The following PANK3 variants were observed in gnomAD, a reference collection of about 807,000 sequenced individuals.
PANK3 encodes the protein hPanK3.
In PANK3, 20 loss-of-function variants were observed where a neutral mutation model predicts 39.4. The ratio of observed to expected loss-of-function variants is 0.51; its 90% CI spans 0.36 to 0.74. PANK3 has a LOEUF of 0.74. PANK3 is among the 30% of genes least tolerant of loss of function. The probability of loss-of-function intolerance (pLI) is 0.00; values close to 1 mark genes in which losing one functional copy is unlikely to be tolerated. For synonymous variants in PANK3, 140 were observed against 157.3 expected, an observed-to-expected ratio of 0.89 and a Z score of 0.82; for missense variants, 265 against 437.0, an observed-to-expected ratio of 0.61 and a Z score of 3.51.
Position 168,553,096 on chromosome 5 carries a change from C to T in PANK3, c.*4475G>A, listed in dbSNP as rs540622703. On this transcript the variant is annotated 3_prime_UTR_variant, in exon 7 of 7. Transcript: ENST00000239231. The stretch of plus-strand genomic sequence containing the variant: ...CTTTCTGTTAATGAGCAAAAACTTA[C>T]GACTTCCAGGGCAAAATGGAAGGGC... 160 of 425,482 alleles carry T rather than the reference C, an allele frequency of 3.8e-4. No individual in the cohort carries two copies. The highest frequency in any genetic ancestry group is 2.2e-3 in the African/African-American group (101 of 46,500). 26.4% of individuals were successfully genotyped at this position (425,482 alleles called of 1,614,324 possible).
chr5:168,562,818 T>C (rs1249903846), intron 4 of PANK3, among the ~76,000 whole-genome samples: 1 of 152,084 alleles, frequency 6.6e-6, no homozygotes, highest in African/African-American at 2.4e-5. Flanking sequence ...ATAGAGAAAA[T>C]GTTTGCCAAG....
intron 2 of PANK3, among the ~76,000 whole-genome samples, 197 bp downstream of exon 2, chr5:168,568,449 T>C (rs778805962): frequency 6.6e-6 from 1 of 152,222 alleles, no homozygotes; most frequent in Non-Finnish European, 1.5e-5. Flanking sequence ...CCAAATATTA[T>C]GTGCAACAAC....
intron 1 of PANK3, among the ~76,000 whole-genome samples, chr5:168,571,059 T>C (rs1488643426): frequency 6.6e-6 from 1 of 152,212 alleles, no homozygotes; most frequent in Non-Finnish European, 1.5e-5. Flanking sequence ...TTATATACTG[T>C]ATATATTCGG....
chr5:168,559,245 T>TA, intron 5 of PANK3, 88 bp from the exon 6 acceptor site: 2 of 945,820 alleles, frequency 2.1e-6, no homozygotes, highest in African/African-American at 1.7e-5. Context: ...AAATTTATTT[T>TA]AAAATGCAAA....
Position 168,564,044 on chromosome 5 carries a change from C to T in PANK3, c.657G>A (p.Leu219=). The T allele has an allele frequency of 6.2e-7, 1 of 1,609,980 alleles. No homozygotes were observed. The highest frequency in any genetic ancestry group is 2.2e-5 in the East Asian group (1 of 44,726). ...TGTSLGGGTF[L]GLCSLLTGCE... ...AGCCAGTCAATAAACTGCATAAACC[C>T]AGAAAGGTACCCCCTCCAAGGCTAA... Residue 219 remains leucine (L), a synonymous_variant, in exon 4 of 7, where the codon CTG becomes CTA. Transcript: ENST00000239231.
chr5:168,559,697 T>TA (rs201214118), intron 5 of PANK3, among the ~76,000 whole-genome samples: 96 of 148,570 alleles, frequency 6.5e-4, no homozygotes, highest in East Asian at 2.1e-3. Context: ...CTGATGTGAT[T>TA]AAAAAAAAAA....
chr5:168,564,536 C>G (rs114928857), intron 3 of PANK3, among the ~76,000 whole-genome samples: 3 of 152,092 alleles, frequency 2.0e-5, no homozygotes, highest in Non-Finnish European at 4.4e-5. Flanking sequence ...TGGGCTCAAG[C>G]AATCTTCCTG....
At chr5:168,576,904 G>C (rs1759739988) in intron 1 of PANK3, among the ~76,000 whole-genome samples, 1 of 151,810 alleles carries the variant, frequency 6.6e-6, no homozygotes, top group Non-Finnish European at 1.5e-5. Context: ...ATTTGAGACG[G>C]AGTGTTGCTC....
intron 1 of PANK3, among the ~76,000 whole-genome samples, chr5:168,573,976 A>G (rs1208640180): frequency 3.9e-5 from 6 of 152,026 alleles, no homozygotes; most frequent in Non-Finnish European, 7.3e-5. Flanking sequence ...TGCAATAAAC[A>G]TACGTGTGCA....
chr5:168,564,496 T>C (rs965186201), intron 3 of PANK3, among the ~76,000 whole-genome samples: 4 of 152,170 alleles, frequency 2.6e-5, no homozygotes, highest in African/African-American at 7.2e-5. Flanking sequence ...GCAGTGACCA[T>C]GATCATAGCC....
intron 1 of PANK3, among the ~76,000 whole-genome samples, chr5:168,571,038 G>A (rs1386787739): frequency 6.6e-6 from 1 of 152,174 alleles, no homozygotes; most frequent in African/African-American, 2.4e-5. Context: ...GATACGGGAT[G>A]CTATTAAAAA....
intron 6 of PANK3, among the ~76,000 whole-genome samples, chr5:168,558,269 T>A (rs1257850001): frequency 2.0e-5 from 3 of 150,114 alleles, no homozygotes; most frequent in Admixed American, 2.0e-4. Flanking sequence ...CACACCATTC[T>A]CCTGCCTCAG....
rs970569999 is a variant in PANK3, at chr5:168,555,204, T to C, written c.*2367A>G. ...GAAATAAAATGTAAACCATGTGTGA[T>C]TTTATCTTTTCTAGTAAGCACATTT... On this transcript the variant is annotated 3_prime_UTR_variant, in exon 7 of 7. Transcript: ENST00000239231. The C allele has an allele frequency of 2.0e-5, 3 of 152,366 alleles. No individual in the cohort carries two copies. Among genetic ancestry groups the C allele is most frequent in the African/African-American group, 7.2e-5 (3 of 41,600 alleles). 9.4% of individuals were successfully genotyped at this position (152,366 alleles called of 1,614,324 possible).
At chr5:168,558,985 T>C in intron 6 of PANK3, 47 bp downstream of exon 6, 1 of 1,576,416 alleles carries the variant, frequency 6.3e-7, no homozygotes, top group South Asian at 1.1e-5. Flanking sequence ...CCCTGTCTCT[T>C]AAAAAACATG....
chr5:168,561,042 C>A, intron 5 of PANK3: 1 of 364,780 alleles, frequency 2.7e-6, no homozygotes. Flanking sequence ...GTGAGCATAG[C>A]TGCCTTCCAA....
At chr5:168,567,125 T>C (rs1281379013) in intron 2 of PANK3, among the ~76,000 whole-genome samples, 1 of 152,228 alleles carries the variant, frequency 6.6e-6, no homozygotes, top group African/African-American at 2.4e-5. Context: ...TCTTACTGTT[T>C]GGAATTTTAC....
Position 168,549,288 on chromosome 5 carries a change from A to T in PANK3, c.*8283T>A, listed in dbSNP as rs1218578025. The T allele has an allele frequency of 5.3e-5, 8 of 152,186 alleles. No homozygotes were observed. 9.4% of individuals were successfully genotyped at this position (152,186 alleles called of 1,614,324 possible). A position where few individuals can be genotyped will look rare whatever the true frequency, so the allele number is the denominator to read the frequency against. On this transcript the variant is annotated 3_prime_UTR_variant, in exon 7 of 7. Coordinates refer to ENST00000239231, the MANE Select transcript of PANK3 (RefSeq NM_024594.4). ...AACTAAAACAGGTTACCCAGAAAAA[A>T]GTGGCAAATTCCAAAATGGCTTAAT...
At chr5:168,567,427 T>C (rs986442062) in intron 2 of PANK3, among the ~76,000 whole-genome samples, 3 of 152,212 alleles carry the variant, frequency 2.0e-5, no homozygotes, top group African/African-American at 4.8e-5. Flanking sequence ...ACATTCATCA[T>C]TTCAGGTTAG....
rs1235697100 is a variant in PANK3 at position 168,554,509 on chromosome 5, A to C, written c.*3062T>G. 8.5e-5 allele frequency: 13 copies of C among 152,182 alleles called. No homozygotes were observed. The highest frequency in any genetic ancestry group is 8.5e-4 in the Admixed American group (13 of 15,276). 9.4% of individuals were successfully genotyped at this position (152,182 alleles called of 1,614,324 possible). ...ACCCAGCCTCAATTGTTTAAAATTC[A>C]GTTTTCTTTACCTGAAGATATGAAT... On this transcript the variant is annotated 3_prime_UTR_variant, in exon 7 of 7. Coordinates refer to ENST00000239231, the MANE Select transcript of PANK3 (RefSeq NM_024594.4).
Sources: gnomAD v4.1 joint callset for allele counts (sites outside exome capture counted in the v4.1 genomes callset) on GRCh38, gnomAD v4.1.1 for gene constraint, MANE v1.5 for transcripts, NCBI Gene and HGNC (gene_info 2026-07-23, HGNC 2026-07-21) for gene names.